The following YAP1 variants were observed in gnomAD, a reference collection of about 807,000 sequenced individuals.
The protein encoded by YAP1 is transcriptional coactivator YAP1.
In YAP1, 5 loss-of-function variants were observed where a neutral mutation model predicts 56.9. That is an observed-to-expected ratio of 0.09 (90% confidence interval 0.05 to 0.18). YAP1 has a LOEUF of 0.18. Among genes scored for constraint, YAP1 ranks in the 10% least tolerant of loss-of-function variants. YAP1 has a pLI of 1.00. For synonymous variants in YAP1, 265 were observed against 248.1 expected (o/e 1.07, Z -0.64); for missense variants, 539 against 651.8 (o/e 0.83, Z 1.88).
intron 6 of YAP1, among the ~76,000 whole-genome samples, chr11:102,220,216 G>T (rs573264805): frequency 6.6e-6 from 1 of 151,616 alleles, no homozygotes; most frequent in Admixed American, 6.6e-5. Flanking sequence ...TGGAGGAAGA[G>T]AAAAGAAAAG....
At chr11:102,145,165 G>A (rs1035036017) in intron 2 of YAP1, among the ~76,000 whole-genome samples, 7 of 152,156 alleles carry the variant, frequency 4.6e-5, no homozygotes, top group Non-Finnish European at 1.0e-4. Flanking sequence ...GTGACCTCTT[G>A]ATCCAGAGGC....
rs557440270 is a variant in YAP1 at position 102,232,128 on chromosome 11, T to C, written c.*2188T>C. Reference sequence around the variant, plus strand: ...TAGAATGCAAAATTGGGTATATGAATTACATAGCATGTTGTTGGGATTTTT... The same window carrying C: ...TAGAATGCAAAATTGGGTATATGAACTACATAGCATGTTGTTGGGATTTTT... On this transcript the variant is annotated 3_prime_UTR_variant, in exon 9 of 9. Transcript: ENST00000282441. The C allele has an allele frequency of 1.3e-5, 2 of 152,166 alleles. No homozygotes were observed. The highest frequency in any genetic ancestry group is 2.1e-4 in the South Asian group (1 of 4,804). 9.4% of individuals were successfully genotyped at this position (152,166 alleles called of 1,614,324 possible). A position where few individuals can be genotyped will look rare whatever the true frequency, so the allele number is the denominator to read the frequency against.
chr11:102,223,919 A>C (rs1418076488), intron 7 of YAP1, among the ~76,000 whole-genome samples, 167 bp downstream of exon 7: 1 of 152,260 alleles, frequency 6.6e-6, no homozygotes, highest in Non-Finnish European at 1.5e-5. Context: ...GAGGATTAAA[A>C]GTTGTCTCCT....
intron 2 of YAP1, among the ~76,000 whole-genome samples, chr11:102,154,225 T>G (rs1472372235): frequency 1.3e-5 from 2 of 152,198 alleles, no homozygotes; most frequent in Non-Finnish European, 2.9e-5. Context: ...ATCCTAGTTT[T>G]CAGCCTGAAC....
At chr11:102,215,659 A>G (rs1349593603) in intron 6 of YAP1, among the ~76,000 whole-genome samples, 1 of 152,080 alleles carries the variant, frequency 6.6e-6, no homozygotes, top group African/African-American at 2.4e-5. Context: ...TTGTATATTT[A>G]GTAGAGACAG....
chr11:102,227,202 C>A, intron 7 of YAP1: 2 of 364,710 alleles, frequency 5.5e-6, no homozygotes, highest in Non-Finnish European at 5.0e-6. Context: ...TTTTTTTGTC[C>A]CTTATTGTCA....
In YAP1 at chr11:102,232,255, C is replaced by T. The variant is rs1330886171; in HGVS notation, c.*2315C>T. On this transcript the variant is annotated 3_prime_UTR_variant, in exon 9 of 9. Transcript: ENST00000282441. ...TTATATATCAGCAGATTAGCTTTAGCTTAGGGGGAGGGTGGGAAAGTTTGG... is the reference window on the plus strand; with the variant it reads ...TTATATATCAGCAGATTAGCTTTAGTTTAGGGGGAGGGTGGGAAAGTTTGG... The T allele has an allele frequency of 2.0e-5, 2 of 101,610 alleles. No homozygotes were observed. The highest frequency in any genetic ancestry group is 3.5e-5 in the Non-Finnish European group (2 of 56,516). The allele number at this position is 101,610 out of a possible 1,614,324, so 6.3% of individuals were successfully genotyped here.
intron 1 of YAP1, among the ~76,000 whole-genome samples, chr11:102,111,479 C>CGGGAGTGGAGGAGGGGTG (rs1486090018): frequency 1.3e-4 from 6 of 47,330 alleles, no homozygotes; most frequent in Non-Finnish European, 2.6e-4. Flanking sequence ...GAGAGGTTGG[C>CGGGAGTGGAGGAGGGGTG]GGGAGTGGAG....
intron 4 of YAP1, among the ~76,000 whole-genome samples, chr11:102,189,263 C>T (rs938534330): frequency 6.6e-6 from 1 of 151,916 alleles, no homozygotes; most frequent in East Asian, 1.9e-4. Flanking sequence ...AGATCTATTA[C>T]TGTATATAAT....
chr11:102,121,404 G>T (rs1943641483), intron 2 of YAP1, among the ~76,000 whole-genome samples: 1 of 150,068 alleles, frequency 6.7e-6, no homozygotes, highest in Non-Finnish European at 1.5e-5. Context: ...CTGCACTTCA[G>T]CCCAGCCTGG....
At chr11:102,126,280 T>C (rs1944029973) in intron 2 of YAP1, among the ~76,000 whole-genome samples, 2 of 152,202 alleles carry the variant, frequency 1.3e-5, no homozygotes, top group South Asian at 4.1e-4. Flanking sequence ...GTTTAAACCT[T>C]ACAAAATCAC....
chr11:102,119,863 A>G (rs1451826242), intron 2 of YAP1, among the ~76,000 whole-genome samples: 2 of 152,198 alleles, frequency 1.3e-5, no homozygotes, highest in Admixed American at 1.3e-4. Context: ...CTTAGGACCA[A>G]TCAAAGTGAA....
intron 4 of YAP1, among the ~76,000 whole-genome samples, chr11:102,196,126 A>G (rs1948559246): frequency 1.3e-5 from 2 of 152,218 alleles, no homozygotes; most frequent in Admixed American, 6.5e-5. Context: ...GGAAAATAGA[A>G]TGACAGTTCC....
intron 1 of YAP1, 74 bp from the exon 2 acceptor site, chr11:102,114,070 G>A (rs1943128979): frequency 2.7e-6 from 4 of 1,471,404 alleles, no homozygotes; most frequent in Non-Finnish European, 3.6e-6. Flanking sequence ...GCAATTAAGC[G>A]CTGACTGGGA....
rs1453490656 is a variant in YAP1 at position 102,111,147 on chromosome 11, A to G, written c.299A>G (p.Glu100Gly). Residue 100 changes from glutamate to glycine, a missense_variant, in exon 1 of 9, where the codon GAG becomes GGG. Glu to Gly is a moderately conservative substitution (Grantham distance 98). Around this residue, in one of 4 missense-constraint regions of YAP1, gnomAD observed 414 missense variants for 512.4 expected, o/e 0.81. Coordinates refer to ENST00000282441, the MANE Select transcript of YAP1 (RefSeq NM_001130145.3). ...KLPDSFFKPP[E>G]PKSHSRQAST... Reference sequence around the variant, plus strand: ...CCCGACTCCTTCTTCAAGCCGCCGGAGCCCAAATCCCACTCCCGACAGGTA... The same window carrying G: ...CCCGACTCCTTCTTCAAGCCGCCGGGGCCCAAATCCCACTCCCGACAGGTA... 1 of 1,613,048 alleles carries G rather than the reference A, an allele frequency of 6.2e-7. No homozygotes were observed. The highest frequency in any genetic ancestry group is 8.5e-7 in the Non-Finnish European group (1 of 1,179,818).
chr11:102,134,588 G>T (rs1423451993), intron 2 of YAP1, among the ~76,000 whole-genome samples: 1 of 151,176 alleles, frequency 6.6e-6, no homozygotes, highest in Non-Finnish European at 1.5e-5. Flanking sequence ...TACGCTTCCA[G>T]GTTAACCACT....
intron 2 of YAP1, among the ~76,000 whole-genome samples, chr11:102,128,223 C>T (rs1263588885): frequency 6.6e-6 from 1 of 152,176 alleles, no homozygotes; most frequent in Non-Finnish European, 1.5e-5. Context: ...TATGATTTGG[C>T]TGTGTCCCCA....
chr11:102,192,820 C>G (rs1948363924), intron 4 of YAP1, among the ~76,000 whole-genome samples: 2 of 152,160 alleles, frequency 1.3e-5, no homozygotes, highest in South Asian at 4.1e-4. Context: ...GTCCTCTGGT[C>G]ACAGTGTGGA....
At chr11:102,212,851 G>A (rs1388610156) in intron 6 of YAP1, among the ~76,000 whole-genome samples, 1 of 152,166 alleles carries the variant, frequency 6.6e-6, no homozygotes, top group Non-Finnish European at 1.5e-5. Flanking sequence ...AAAGTTCTGG[G>A]ATTACAGGCA....
Sources: gnomAD v4.1 joint callset for allele counts (sites outside exome capture counted in the v4.1 genomes callset) on GRCh38, gnomAD v4.1.1 for gene constraint, gnomAD v4.1.1 regional missense constraint, MANE v1.5 for transcripts, NCBI Gene and HGNC (gene_info 2026-07-23, HGNC 2026-07-21) for gene names.